The following SNTG1 variants were observed in gnomAD, a reference collection of about 807,000 sequenced individuals.
The protein encoded by SNTG1 is syntrophin gamma 1.
Under a neutral mutation model 74.7 loss-of-function variants are expected in SNTG1, and 39 were observed. The ratio of observed to expected loss-of-function variants is 0.52; its 90% CI spans 0.40 to 0.68. The LOEUF is 0.68. Ranked by LOEUF, SNTG1 falls within the 30% of genes least tolerant of loss-of-function variation. The probability of loss-of-function intolerance (pLI) is 0.00; values close to 1 mark genes in which losing one functional copy is unlikely to be tolerated. For synonymous variants in SNTG1, 254 were observed against 217.1 expected (o/e 1.17, Z -1.49); for missense variants, 685 against 609.5 (o/e 1.12, Z -1.30).
chr8:50,762,544 G>A, intron 18 of SNTG1: 3 of 375,098 alleles, frequency 8.0e-6, no homozygotes, highest in Non-Finnish European at 1.6e-5. Flanking sequence ...CCTTCTTAAT[G>A]CAGGCAAAGA....
intron 11 of SNTG1, among the ~76,000 whole-genome samples, chr8:50,546,539 T>C (rs2448936): frequency 0.31 from 27,442 of 88,842 alleles, 3,613 homozygotes; most frequent in African/African-American, 0.48. Context: ...CCCCTCCCCC[T>C]ACCCCACGAC....
intron 15 of SNTG1, among the ~76,000 whole-genome samples, chr8:50,691,718 TTG>T (rs1231528560): frequency 2.6e-5 from 4 of 152,172 alleles, no homozygotes; most frequent in African/African-American, 9.7e-5. Flanking sequence ...AATCTGAAAA[TTG>T]TGTGTCTTGG....
At chr8:50,305,065 G>A (rs1214746304) in intron 2 of SNTG1, among the ~76,000 whole-genome samples, 1 of 151,870 alleles carries the variant, frequency 6.6e-6, no homozygotes, top group African/African-American at 2.4e-5. Flanking sequence ...ACTACAGCTG[G>A]CTAATTTTTG....
intron 2 of SNTG1, among the ~76,000 whole-genome samples, chr8:50,264,957 T>G (rs975275266): frequency 1.3e-5 from 2 of 152,064 alleles, no homozygotes; most frequent in African/African-American, 2.4e-5. Context: ...AGAATAGACC[T>G]ATAAATAATA....
At chr8:50,776,402 A>G (rs955645626) in intron 18 of SNTG1, among the ~76,000 whole-genome samples, 2 of 147,280 alleles carry the variant, frequency 1.4e-5, no homozygotes, top group African/African-American at 4.9e-5. Flanking sequence ...ACATTTTATA[A>G]TATATAATAT....
chr8:50,748,840 C>G (rs2131689163), intron 17 of SNTG1, among the ~76,000 whole-genome samples: 1 of 152,134 alleles, frequency 6.6e-6, no homozygotes, highest in East Asian at 2.0e-4. Flanking sequence ...TGTGTTCTGA[C>G]TGCTCCACTG....
chr8:50,782,035 C>A (rs1454921489), intron 18 of SNTG1, among the ~76,000 whole-genome samples: 1 of 152,148 alleles, frequency 6.6e-6, no homozygotes, highest in Non-Finnish European at 1.5e-5. Context: ...TATTGGCCCC[C>A]ACTGTCTTCT....
chr8:50,350,782 G>C (rs541841295), intron 2 of SNTG1, among the ~76,000 whole-genome samples: 5 of 152,284 alleles, frequency 3.3e-5, no homozygotes, highest in African/African-American at 1.2e-4. Flanking sequence ...AAGAACTTTT[G>C]TGTCTAGCTC....
chr8:50,501,425 GTTTTTT>G (rs59123896), intron 8 of SNTG1, among the ~76,000 whole-genome samples: 10 of 57,096 alleles, frequency 1.8e-4, no homozygotes, highest in African/African-American at 9.8e-4. Flanking sequence ...GAGCCTGTGC[GTTTTTT>G]TTTTTTTTTT....
At chr8:50,150,948 T>G (rs1053720512) in intron 1 of SNTG1, among the ~76,000 whole-genome samples, 17 of 152,216 alleles carry the variant, frequency 1.1e-4, no homozygotes, top group African/African-American at 3.4e-4. Context: ...GAGGATTCCC[T>G]CTTTTTCTAT....
In SNTG1 at chr8:50,411,447, C is replaced by CAA. The variant is rs34465884; in HGVS notation, c.162+9114_162+9115dup. Among the ~76,000 whole-genome samples the CAA allele has an allele frequency of 1.6e-3, 173 of 109,636 alleles. 2 individuals carry two copies. The Middle Eastern group carries it at 0.047, about 30-fold the overall frequency. The allele number at this position is 109,636 out of a possible 152,430, so 71.9% of individuals were successfully genotyped here. A position where few individuals can be genotyped will look rare whatever the true frequency, so the allele number is the denominator to read the frequency against. ...TGGGTGACAGAGCAAGACTCCATCT[C>CAA]AAAAAAAAAAAATAAAAAGACTCCA... On this transcript the variant is annotated intron_variant, in intron 4 of 18. Coordinates refer to ENST00000642720, the MANE Select transcript of SNTG1 (RefSeq NM_018967.5).
At chr8:50,144,230 C>A (rs894660196) in intron 1 of SNTG1, among the ~76,000 whole-genome samples, 1 of 152,150 alleles carries the variant, frequency 6.6e-6, no homozygotes, top group African/African-American at 2.4e-5. Flanking sequence ...ACTTTTTAGA[C>A]AAATTACTTA....
intron 2 of SNTG1, among the ~76,000 whole-genome samples, chr8:50,208,117 T>A (rs1265858313): frequency 6.6e-6 from 1 of 152,176 alleles, no homozygotes; most frequent in Non-Finnish European, 1.5e-5. Context: ...TTCCTGGATA[T>A]CCTTCTTAAC....
chr8:50,603,850 T>C (rs1226550554), intron 13 of SNTG1, among the ~76,000 whole-genome samples: 1 of 152,172 alleles, frequency 6.6e-6, no homozygotes, highest in Non-Finnish European at 1.5e-5. Flanking sequence ...CTGATCAGCT[T>C]AGAACTGGAG....
At chr8:50,354,254 A>T (rs546254606) in intron 2 of SNTG1, among the ~76,000 whole-genome samples, 1 of 152,346 alleles carries the variant, frequency 6.6e-6, no homozygotes, top group African/African-American at 2.4e-5. Flanking sequence ...GTCTGGAGCA[A>T]ATAGTCACAG....
chr8:50,353,399 T>TATA (rs2091727082), intron 2 of SNTG1, among the ~76,000 whole-genome samples: 1 of 152,010 alleles, frequency 6.6e-6, no homozygotes, highest in Non-Finnish European at 1.5e-5. Flanking sequence ...GAACTTAAAG[T>TATA]ATAATAATAA....
chr8:50,635,528 TC>T (rs1209166299), intron 13 of SNTG1, among the ~76,000 whole-genome samples: 2 of 152,082 alleles, frequency 1.3e-5, no homozygotes, highest in African/African-American at 4.8e-5. Flanking sequence ...CACTCTTCCT[TC>T]CCTTTTACAC....
At chr8:50,510,667 T>C (rs1293990537) in intron 9 of SNTG1, among the ~76,000 whole-genome samples, 1 of 152,226 alleles carries the variant, frequency 6.6e-6, no homozygotes, top group East Asian at 1.9e-4. Context: ...TCGAGGAATT[T>C]ATCCATTTCT....
chr8:50,664,192 T>C (rs2095239533), intron 15 of SNTG1, among the ~76,000 whole-genome samples: 4 of 152,128 alleles, frequency 2.6e-5, no homozygotes. Flanking sequence ...TCATGGCAAT[T>C]AGCTGAGATG....
Sources: allele counts gnomAD v4.1 joint callset (sites outside exome capture counted in the v4.1 genomes callset), GRCh38; gene constraint gnomAD v4.1.1; transcripts MANE v1.5; gene names NCBI Gene and HGNC (gene_info 2026-07-23, HGNC 2026-07-21).